FAM13A: variants seen among roughly 807,000 people sequenced by gnomAD.
The protein encoded by FAM13A is protein FAM13A.
A neutral mutation model predicts 129.6 loss-of-function variants in FAM13A; 76 were observed. The ratio of observed to expected loss-of-function variants is 0.59; its 90% CI spans 0.49 to 0.71. The LOEUF (loss-of-function observed/expected upper bound fraction) is 0.71, where lower values mean the gene tolerates loss of function less well. Ranked by LOEUF, FAM13A falls within the 30% of genes least tolerant of loss-of-function variation. FAM13A has a pLI of 0.00. For missense variants in FAM13A, 1,108 were observed against 1,249.3 expected (o/e 0.89, Z 1.70); for synonymous variants, 443 against 449.9 (o/e 0.98, Z 0.20).
chr4:88,964,774 C>T (rs573191532), intron 4 of FAM13A, among the ~76,000 whole-genome samples: 65 of 151,850 alleles, frequency 4.3e-4, no homozygotes, highest in Non-Finnish European at 6.8e-4. Context: ...ATCACAGGCA[C>T]GCACCACTGC....
chr4:88,916,022 C>T (rs1459183204), intron 5 of FAM13A, among the ~76,000 whole-genome samples: 4 of 151,864 alleles, frequency 2.6e-5, no homozygotes, highest in African/African-American at 9.7e-5. Context: ...GCCAAAGAAA[C>T]CTCTTATCTT....
At chr4:88,823,255 T>C in intron 7 of FAM13A, 1 of 1,283,022 alleles carries the variant, frequency 7.8e-7, no homozygotes, top group Non-Finnish European at 9.9e-7. Flanking sequence ...TTTGACCTTT[T>C]GTTCCAGGGA....
intron 14 of FAM13A, among the ~76,000 whole-genome samples, chr4:88,752,286 G>T (rs1292010587): frequency 1.3e-5 from 2 of 152,194 alleles, no homozygotes; most frequent in African/African-American, 4.8e-5. Flanking sequence ...CAAGAGGTGG[G>T]TCTAGAAGCT....
chr4:89,042,091 G>A (rs1278858011), intron 1 of FAM13A, among the ~76,000 whole-genome samples: 1 of 116,088 alleles, frequency 8.6e-6, no homozygotes, highest in Non-Finnish European at 2.1e-5. Flanking sequence ...ATATGTATAT[G>A]TTTGATGAAC....
At chr4:88,988,973 G>A (rs974360399) in intron 4 of FAM13A, among the ~76,000 whole-genome samples, 2 of 151,460 alleles carry the variant, frequency 1.3e-5, no homozygotes, top group African/African-American at 2.4e-5. Flanking sequence ...TTTGGGAGGC[G>A]GAGGCGGGAG....
At chr4:88,853,911 A>G (rs974196747) in intron 6 of FAM13A, among the ~76,000 whole-genome samples, 1 of 152,016 alleles carries the variant, frequency 6.6e-6, no homozygotes, top group African/African-American at 2.4e-5. Flanking sequence ...TGAACATCAG[A>G]CTCCAAGTTC....
chr4:88,920,214 A>C (rs980299986), intron 5 of FAM13A, among the ~76,000 whole-genome samples: 1 of 152,140 alleles, frequency 6.6e-6, no homozygotes, highest in Admixed American at 6.5e-5. Flanking sequence ...CCCAGCACGG[A>C]GCTGGAGATC....
At chr4:89,031,887 G>A (rs1345017416) in intron 1 of FAM13A, among the ~76,000 whole-genome samples, 4 of 151,930 alleles carry the variant, frequency 2.6e-5, no homozygotes, top group East Asian at 1.9e-4. Context: ...AGAAATTCAC[G>A]AGGTTTTCTT....
rs773764813 is a variant in FAM13A at position 88,961,347 on chromosome 4, C to CTTTTTTTTTTTTTTT, written c.606-23121_606-23107dup. Among the ~76,000 whole-genome samples the CTTTTTTTTTTTTTTT allele has an allele frequency of 1.6e-4, 9 of 55,442 alleles. 2 individuals are homozygous for CTTTTTTTTTTTTTTT. The highest frequency in any genetic ancestry group is 1.7e-4 in the Non-Finnish European group (5 of 29,388). The allele number at this position is 55,442 out of a possible 152,430, so 36.4% of individuals were successfully genotyped here. Reference sequence around the variant, plus strand: ...AAATCCTCAGCTTTGTGGAATTTGCCTTTTTTTTTTTTTTTTTTTTTTTTT... The same window carrying CTTTTTTTTTTTTTTT: ...AAATCCTCAGCTTTGTGGAATTTGCCTTTTTTTTTTTTTTTTTTTTTTTTTTTTTTTTTTTTTTTT... On this transcript the variant is annotated intron_variant, in intron 4 of 23. Transcript: ENST00000264344.
chr4:88,851,964 A>T (rs1737637545), intron 6 of FAM13A, among the ~76,000 whole-genome samples: 1 of 152,314 alleles, frequency 6.6e-6, no homozygotes, highest in East Asian at 1.9e-4. Context: ...TTGTAGGAAA[A>T]ATTAGAAACC....
chr4:88,853,198 A>G (rs961571893), intron 6 of FAM13A, among the ~76,000 whole-genome samples: 17 of 152,192 alleles, frequency 1.1e-4, no homozygotes, highest in African/African-American at 3.9e-4. Context: ...TCTGTAGTCC[A>G]TATTTGCTGA....
intron 6 of FAM13A, among the ~76,000 whole-genome samples, chr4:88,860,091 G>T (rs1008634436): frequency 6.6e-6 from 1 of 152,148 alleles, no homozygotes; most frequent in South Asian, 2.1e-4. Flanking sequence ...TTTCCTTACA[G>T]GTTTCTTTAT....
chr4:89,038,750 T>G (rs1769718833), intron 1 of FAM13A, among the ~76,000 whole-genome samples: 1 of 152,198 alleles, frequency 6.6e-6, no homozygotes, highest in Admixed American at 6.5e-5. Flanking sequence ...CAGTTAAATG[T>G]AGAATGAATG....
chr4:88,743,664 A>G (rs1740695618), intron 19 of FAM13A, among the ~76,000 whole-genome samples: 1 of 152,182 alleles, frequency 6.6e-6, no homozygotes, highest in South Asian at 2.1e-4. Context: ...AGCATCATCA[A>G]TATAGCGCAG....
intron 5 of FAM13A, among the ~76,000 whole-genome samples, chr4:88,917,628 G>A (rs1263168937): frequency 2.0e-5 from 3 of 151,840 alleles, no homozygotes; most frequent in Non-Finnish European, 4.4e-5. Flanking sequence ...TTATAATTGC[G>A]GTCACTTGTT....
At chr4:88,932,466 G>T (rs1228529322) in intron 5 of FAM13A, among the ~76,000 whole-genome samples, 2 of 152,182 alleles carry the variant, frequency 1.3e-5, no homozygotes, top group Non-Finnish European at 2.9e-5. Flanking sequence ...ACAGGGACAT[G>T]TCTTATTTAT....
chr4:88,810,765 G>A (rs1340296577), intron 7 of FAM13A, among the ~76,000 whole-genome samples: 4 of 152,160 alleles, frequency 2.6e-5, no homozygotes, highest in South Asian at 4.1e-4. Context: ...ATAAGCAGTC[G>A]AGATACAATA....
chr4:89,009,919 C>T (rs12505696), intron 3 of FAM13A, among the ~76,000 whole-genome samples: 47,800 of 151,996 alleles, frequency 0.31, 8,053 homozygotes, highest in Middle Eastern at 0.47. Flanking sequence ...AAAACAGTGT[C>T]AGTTAAGACG....
intron 2 of FAM13A, among the ~76,000 whole-genome samples, chr4:89,024,184 C>T (rs1297392247): frequency 6.6e-6 from 1 of 152,018 alleles, no homozygotes; most frequent in Non-Finnish European, 1.5e-5. Context: ...CAGAATATGC[C>T]AGAAGTCACA....
Sources: allele counts gnomAD v4.1 joint callset (sites outside exome capture counted in the v4.1 genomes callset), GRCh38; gene constraint gnomAD v4.1.1; transcripts MANE v1.5; gene names NCBI Gene and HGNC (gene_info 2026-07-23, HGNC 2026-07-21).